Variants in ANK3 observed in about 807,000 individuals in gnomAD.
The protein encoded by ANK3 is ankyrin-3.
A neutral mutation model predicts 370.9 loss-of-function variants in ANK3; 57 were observed. The observed-to-expected ratio is 0.15, with a 90% CI of 0.12 to 0.19. ANK3 has a LOEUF of 0.19. Among genes scored for constraint, ANK3 ranks in the 10% least tolerant of loss-of-function variants. The probability of loss-of-function intolerance (pLI) is 1.00; values close to 1 mark genes in which losing one functional copy is unlikely to be tolerated. For missense variants in ANK3, 4,439 were observed against 5,302.1 expected, an observed-to-expected ratio of 0.84 and a Z score of 5.06; for synonymous variants, 1,929 against 1,946.3, an observed-to-expected ratio of 0.99 and a Z score of 0.23.
intron 2 of ANK3, among the ~76,000 whole-genome samples, chr10:60,459,453 T>C (rs1048170669): frequency 5.9e-5 from 9 of 152,176 alleles, no homozygotes; most frequent in African/African-American, 1.2e-4. Context: ...CATTGTCAGA[T>C]ACCTGTTGCT....
At position 60,269,429 on chromosome 10, in the gene ANK3, C is replaced by T. The variant is rs547460177; in HGVS notation, c.513+702G>A. On this transcript the variant is annotated intron_variant, in intron 5 of 43. Coordinates refer to ENST00000280772, the MANE Select transcript of ANK3 (RefSeq NM_020987.5). The stretch of plus-strand genomic sequence containing the variant: ...GAGAGGCCGAGGCGGGTGGATCACG[C>T]GGTCAGGAGTTCAAGACCAGCCTGG... Among the ~76,000 whole-genome samples the T allele has an allele frequency of 2.2e-3, 340 of 151,970 alleles. 1 individual carries two copies. Among genetic ancestry groups the T allele is most frequent in the African/African-American group, 7.7e-3 (319 of 41,462 alleles).
chr10:60,251,238 GA>G (rs2097659745), intron 7 of ANK3, among the ~76,000 whole-genome samples: 1 of 152,176 alleles, frequency 6.6e-6, no homozygotes, highest in Admixed American at 6.5e-5. Context: ...AGTGGGAGCT[GA>G]ACAGAGCCTC....
At chr10:60,496,022 A>T (rs1302412600) in intron 2 of ANK3, among the ~76,000 whole-genome samples, 1 of 151,992 alleles carries the variant, frequency 6.6e-6, no homozygotes, top group Admixed American at 6.6e-5. Flanking sequence ...AGAATGGCAA[A>T]ATTGTCTGCT....
intron 1 of ANK3, among the ~76,000 whole-genome samples, chr10:60,711,087 C>T (rs547622716): frequency 6.6e-6 from 1 of 152,208 alleles, no homozygotes; most frequent in South Asian, 2.1e-4. Context: ...CATCTTTTGG[C>T]CCAGTCAAGG....
Position 60,070,779 on chromosome 10 carries a change from C to T in ANK3, c.10102G>A (p.Asp3368Asn), listed in dbSNP as rs1391701739. ...TCAAGGCCAAGGCCAAATTCATTAT[C>T]TTTTCCAGATCCATTACTTTCCAGT... ...KELESNGSGK[D>N]NEFGLGLDSP... is the part of the protein sequence containing the mutation. Residue 3368 changes from aspartate to asparagine, a missense_variant, in exon 37 of 44, where the codon GAT (aspartate) becomes AAT (asparagine). Around this residue, in one of 13 missense-constraint regions of ANK3, gnomAD observed 1,601 missense variants for 1,731.7 expected, o/e 0.92. Coordinates refer to ENST00000280772, the MANE Select transcript of ANK3 (RefSeq NM_020987.5). The surrounding 1 kb of genome is among the most constrained non-coding windows in gnomAD (Gnocchi z 5.7). 1.2e-6 allele frequency: 2 copies of T among 1,614,216 alleles called. No homozygotes were observed. Among genetic ancestry groups the T allele is most frequent in the South Asian group, 2.2e-5 (2 of 91,092 alleles).
intron 2 of ANK3, among the ~76,000 whole-genome samples, chr10:60,448,266 C>T (rs1467030887): frequency 6.6e-6 from 1 of 152,176 alleles, no homozygotes; most frequent in Non-Finnish European, 1.5e-5. Flanking sequence ...AGACTCCGAG[C>T]ACTGAAGAAA....
intron 28 of ANK3, among the ~76,000 whole-genome samples, chr10:60,094,708 A>T (rs921456569): frequency 5.3e-5 from 8 of 152,318 alleles, no homozygotes; most frequent in Admixed American, 5.2e-4. Context: ...CAAAAAAAAA[A>T]TAAATGACAT....
At chr10:60,078,743 G>A (rs1156904124) in intron 36 of ANK3, among the ~76,000 whole-genome samples, 1 of 152,160 alleles carries the variant, frequency 6.6e-6, no homozygotes, top group Admixed American at 6.5e-5. Context: ...AGGAAAAGTG[G>A]CATTCACTTG....
intron 2 of ANK3, among the ~76,000 whole-genome samples, chr10:60,470,559 C>T (rs766920591): frequency 6.6e-6 from 1 of 152,162 alleles, no homozygotes; most frequent in African/African-American, 2.4e-5. Flanking sequence ...AGAAGAAATA[C>T]ACATTTGAGG....
At chr10:60,685,727 A>G (rs1246324514) in intron 1 of ANK3, among the ~76,000 whole-genome samples, 1 of 152,188 alleles carries the variant, frequency 6.6e-6, no homozygotes, top group Non-Finnish European at 1.5e-5. Context: ...GACTAGACAA[A>G]CTATGAAAGA....
chr10:60,260,717 A>G (rs1216359009), intron 7 of ANK3, among the ~76,000 whole-genome samples: 1 of 152,116 alleles, frequency 6.6e-6, no homozygotes, highest in Non-Finnish European at 1.5e-5. Flanking sequence ...AAAAGTGTAC[A>G]GCACCACTCT....
chr10:60,353,898 C>T (rs12412727), intron 1 of ANK3, among the ~76,000 whole-genome samples: 14,437 of 152,242 alleles, frequency 0.095, 1,044 homozygotes, highest in East Asian at 0.25. Context: ...GCAGGCAGGG[C>T]CAGCAGAGCT....
At chr10:60,727,272 A>C (rs185564515) in intron 1 of ANK3, among the ~76,000 whole-genome samples, 7 of 152,330 alleles carry the variant, frequency 4.6e-5, no homozygotes, top group Admixed American at 1.3e-4. Context: ...AATACTACTT[A>C]GCAATAAAAA....
At chr10:60,471,251 G>C (rs961718639) in intron 2 of ANK3, among the ~76,000 whole-genome samples, 1 of 152,086 alleles carries the variant, frequency 6.6e-6, no homozygotes, top group Non-Finnish European at 1.5e-5. Context: ...AAAGCCAAGA[G>C]TTCTTGCGCA....
At chr10:60,076,779 A>G (rs912025766) in intron 36 of ANK3, among the ~76,000 whole-genome samples, 3 of 152,202 alleles carry the variant, frequency 2.0e-5, no homozygotes, top group Non-Finnish European at 4.4e-5. Context: ...AAAAATAACC[A>G]TAATGGAAAA....
At chr10:60,471,577 T>C (rs921291632) in intron 2 of ANK3, among the ~76,000 whole-genome samples, 5 of 152,140 alleles carry the variant, frequency 3.3e-5, no homozygotes, top group Non-Finnish European at 5.9e-5. Flanking sequence ...AGGGCTTGTT[T>C]TTATGAGGAT....
chr10:60,069,610 A>G lies in ANK3; in HGVS notation c.11271T>C (p.Asn3757=), dbSNP rs1305819753. ...TATTTGAAATCATTGTTATAGTTTCATTTTCTAATCCCTGACAACTGGTCA... is the reference window on the plus strand; with the variant it reads ...TATTTGAAATCATTGTTATAGTTTCGTTTTCTAATCCCTGACAACTGGTCA... ...AVMTSCQGLE[N]ETITMISNTA... The change falls in exon 37 of 44, where the codon AAT becomes AAC. Residue 3757 remains asparagine, a synonymous_variant. Coordinates refer to ENST00000280772, the MANE Select transcript of ANK3 (RefSeq NM_020987.5). 6 of 1,613,970 alleles carry G rather than the reference A, an allele frequency of 3.7e-6. No homozygotes were observed. The highest frequency in any genetic ancestry group is 2.5e-6 in the Non-Finnish European group (3 of 1,179,946).
At chr10:60,036,325 T>C (rs2074950845) in intron 43 of ANK3, among the ~76,000 whole-genome samples, 1 of 152,072 alleles carries the variant, frequency 6.6e-6, no homozygotes, top group African/African-American at 2.4e-5. Context: ...GTTCTATTCT[T>C]GGTTTTTTTA....
At chr10:60,495,613 C>G (rs976209910) in intron 2 of ANK3, among the ~76,000 whole-genome samples, 1 of 152,084 alleles carries the variant, frequency 6.6e-6, no homozygotes, top group African/African-American at 2.4e-5. Flanking sequence ...CAGGACAAAA[C>G]AATGTTATGA....
Sources: gnomAD v4.1 joint callset for allele counts (sites outside exome capture counted in the v4.1 genomes callset) on GRCh38, gnomAD v4.1.1 for gene constraint, gnomAD v4.1.1 regional missense constraint, Gnocchi (gnomAD v3.1) non-coding constraint, MANE v1.5 for transcripts, NCBI Gene and HGNC (gene_info 2026-07-23, HGNC 2026-07-21) for gene names.